The following GNPTG variants were observed in gnomAD, a reference collection of about 807,000 sequenced individuals.
GNPTG encodes N-acetylglucosamine-1-phosphate transferase subunit gamma.
A neutral mutation model predicts 43.8 loss-of-function variants in GNPTG; 46 were observed. The observed-to-expected ratio is 1.05, with a 90% CI of 0.83 to 1.34. The LOEUF (loss-of-function observed/expected upper bound fraction) is 1.34, where lower values mean the gene tolerates loss of function less well. Ranked by LOEUF, GNPTG falls within the 40% of genes most tolerant of loss-of-function variation. The probability of loss-of-function intolerance (pLI) is 0.00; values close to 1 mark genes in which losing one functional copy is unlikely to be tolerated. For missense variants in GNPTG, 549 were observed against 411.3 expected (o/e 1.33, Z -2.90); for synonymous variants, 250 against 172.8 (o/e 1.45, Z -3.50).
At position 1,352,169 on chromosome 16, in the gene GNPTG, C is replaced by T; in HGVS notation, c.110+10C>T. On this transcript the variant is annotated intron_variant, in intron 2 of 10. Coordinates refer to ENST00000204679, the MANE Select transcript of GNPTG (RefSeq NM_032520.5). ...AGCCCAACGCGTTTGGGTGAGCAGCCTCGCGGGCTGGCGGCTCGAGCGGGG... is the reference window on the plus strand; with the variant it reads ...AGCCCAACGCGTTTGGGTGAGCAGCTTCGCGGGCTGGCGGCTCGAGCGGGG... 2 of 1,572,282 alleles carry T rather than the reference C, an allele frequency of 1.3e-6. No individual in the cohort carries two copies. Among genetic ancestry groups the T allele is most frequent in the Non-Finnish European group, 8.6e-7 (1 of 1,160,460 alleles).
At chr16:1,354,222 C>A (rs1294094493) in intron 3 of GNPTG, among the ~76,000 whole-genome samples, 1 of 151,980 alleles carries the variant, frequency 6.6e-6, no homozygotes, top group Non-Finnish European at 1.5e-5. Flanking sequence ...CGACCGAACC[C>A]CTTCCAGTAG....
In GNPTG at chr16:1,362,487, T is replaced by C. The variant is rs1596615005; in HGVS notation, c.562T>C (p.Trp188Arg). The change falls in exon 8 of 11, where the codon TGG (tryptophan) becomes CGG (arginine). Residue 188 changes from tryptophan (W) to arginine (R), a missense_variant. By Grantham distance (101) the Trp-to-Arg change is moderately radical. Transcript: ENST00000204679. ...CCTGCCAGAGGCCCTGCAGCGGCAG[T>C]GGGACCAGGTAGAGCAGGACCTGGC... ...PTLPEALQRQ[W>R]DQVEQDLADE... 1.2e-6 allele frequency: 2 copies of C among 1,614,026 alleles called. No homozygotes were observed. Among genetic ancestry groups the C allele is most frequent in the South Asian group, 1.1e-5 (1 of 91,082 alleles).
rs140264422 is a variant in GNPTG, at chr16:1,361,747, C to T, written c.183C>T (p.Pro61=). 1.0e-4 allele frequency: 169 copies of T among 1,613,726 alleles called. No individual in the cohort carries two copies. The African/African-American group carries it at 1.9e-3, about 18-fold the overall frequency. ...TCAGTGTGAGGTCTCTTCCAGGACC[C>T]GTGCATCTCTTCCGACTCTCGGGCA... The part of the protein sequence containing the change: ...AKRDPSPVSG[P]VHLFRLSGKC... The change falls in exon 4 of 11, where the codon CCC becomes CCT. Residue 61 remains proline, a synonymous_variant. Coordinates refer to ENST00000204679, the MANE Select transcript of GNPTG (RefSeq NM_032520.5).
intron 3 of GNPTG, among the ~76,000 whole-genome samples, chr16:1,357,055 A>G (rs1280721099): frequency 2.6e-5 from 4 of 152,184 alleles, no homozygotes; most frequent in Non-Finnish European, 5.9e-5. Context: ...GCAGGGCCCT[A>G]GGGCCAGACT....
At chr16:1,356,262 G>A (rs1216212519) in intron 3 of GNPTG, among the ~76,000 whole-genome samples, 1 of 152,194 alleles carries the variant, frequency 6.6e-6, no homozygotes, top group Non-Finnish European at 1.5e-5. Context: ...CGGGAGCCAA[G>A]GGCACCGGCG....
intron 3 of GNPTG, 131 bp from the exon 4 acceptor site, chr16:1,361,612 C>G (rs2034879327): frequency 2.2e-6 from 2 of 920,882 alleles, no homozygotes; most frequent in Non-Finnish European, 3.4e-6. Context: ...CCACTGCACT[C>G]CAGCCTGGGT....
At chr16:1,354,096 T>C (rs2034730612) in intron 3 of GNPTG, among the ~76,000 whole-genome samples, 1 of 152,108 alleles carries the variant, frequency 6.6e-6, no homozygotes, top group African/African-American at 2.4e-5. Context: ...CTCACTTCCC[T>C]GCGGCTCAGA....
intron 3 of GNPTG, among the ~76,000 whole-genome samples, chr16:1,356,839 G>A (rs190852118): frequency 5.9e-5 from 9 of 151,788 alleles, no homozygotes; most frequent in African/African-American, 1.9e-4. Context: ...AGCTTGACCA[G>A]CCACCCTCCC....
At chr16:1,362,421 C>T (rs1567184538) in intron 7 of GNPTG, 31 bp from the exon 8 acceptor site, 1 of 1,612,294 alleles carries the variant, frequency 6.2e-7, no homozygotes, top group African/African-American at 1.3e-5. Flanking sequence ...ACATGGGGTG[C>T]AGCTGAGCCT....
At position 1,362,308 on chromosome 16, in the gene GNPTG, C is replaced by T. The variant is rs998330228; in HGVS notation, c.514C>T (p.His172Tyr). The T allele has an allele frequency of 3.1e-6, 5 of 1,612,904 alleles. No individual in the cohort carries two copies. Among genetic ancestry groups the T allele is most frequent in the African/African-American group, 1.3e-5 (1 of 74,950 alleles). Reference protein sequence around the residue: ...TFETPLVCHPHALLVYPTLPE... With the variant: ...TFETPLVCHPYALLVYPTLPE... ...CGAGACCCCCCTCGTCTGCCACCCC[C>T]ACGCCTTGCTAGGTAGGGGTGCGGG... Residue 172 changes from histidine to tyrosine, a missense_variant, in exon 7 of 11, where the codon CAC (histidine) becomes TAC (tyrosine). Transcript: ENST00000204679.
chr16:1,362,650 G>T lies in GNPTG; in HGVS notation c.649G>T (p.Gly217Cys). The change falls in exon 9 of 11, where the codon GGC (glycine) becomes TGC (cysteine). Residue 217 changes from glycine to cysteine, a missense_variant. Gly to Cys is a radical substitution (Grantham distance 159). Coordinates refer to ENST00000204679, the MANE Select transcript of GNPTG (RefSeq NM_032520.5). ...KLLRTLFEDAGYLKTPEENEP... is the reference protein window; with the variant it reads ...KLLRTLFEDACYLKTPEENEP... ...GCTGAGGACACTTTTTGAGGATGCT[G>T]GCTACTTAAAGACCCCAGAAGAAAA... is the stretch of plus-strand genomic sequence containing the variant. The T allele has an allele frequency of 1.9e-6, 3 of 1,614,138 alleles. No homozygotes were observed. The highest frequency in any genetic ancestry group is 2.5e-6 in the Non-Finnish European group (3 of 1,180,032).
intron 3 of GNPTG, among the ~76,000 whole-genome samples, chr16:1,353,164 G>A (rs188257587): frequency 1.1e-3 from 165 of 152,054 alleles, no homozygotes; most frequent in African/African-American, 3.7e-3. Context: ...GTAGAGATAG[G>A]GTTTATTTCA....
At chr16:1,361,653 G>A (rs1028784855) in intron 3 of GNPTG, 90 bp from the exon 4 acceptor site, 7 of 1,416,758 alleles carry the variant, frequency 4.9e-6, no homozygotes, top group South Asian at 2.4e-5. Flanking sequence ...CAAAAAAAAA[G>A]AAAACTGGTC....
chr16:1,352,362 T>C, intron 3 of GNPTG, 56 bp downstream of exon 3: 1 of 1,502,944 alleles, frequency 6.7e-7, no homozygotes, highest in Admixed American at 2.0e-5. Flanking sequence ...GCAGCAACAG[T>C]GGAGGATGGA....
rs1169324974 is a variant in GNPTG at position 1,363,402 on chromosome 16, C to T, written c.*311C>T. 2.6e-6 allele frequency: 1 copy of T among 389,862 alleles called. No individual in the cohort carries two copies. The highest frequency in any genetic ancestry group is 4.9e-6 in the Non-Finnish European group (1 of 205,256). The allele number at this position is 389,862 out of a possible 1,614,324, so 24.2% of individuals were successfully genotyped here. A position where few individuals can be genotyped will look rare whatever the true frequency, so the allele number is the denominator to read the frequency against. ...CAAATAACATTCTCATGTAAATACTCAAACATACAGATTGAGGCTTCCAGA... is the reference window on the plus strand; with the variant it reads ...CAAATAACATTCTCATGTAAATACTTAAACATACAGATTGAGGCTTCCAGA... On this transcript the variant is annotated 3_prime_UTR_variant, in exon 11 of 11. Coordinates refer to ENST00000204679, the MANE Select transcript of GNPTG (RefSeq NM_032520.5).
intron 3 of GNPTG, among the ~76,000 whole-genome samples, chr16:1,357,515 C>G (rs1013684234): frequency 6.9e-6 from 1 of 144,306 alleles, no homozygotes; most frequent in East Asian, 1.9e-4. Flanking sequence ...TTATTAGAGC[C>G]GAGTGTCGCT....
chr16:1,361,385 C>T (rs1274463624), intron 3 of GNPTG: 1 of 329,698 alleles, frequency 3.0e-6, no homozygotes, highest in Admixed American at 4.2e-5. Flanking sequence ...TGGCTCAAAC[C>T]TGTAATCCCA....
At chr16:1,356,187 G>A (rs745427710) in intron 3 of GNPTG, among the ~76,000 whole-genome samples, 6 of 152,180 alleles carry the variant, frequency 3.9e-5, no homozygotes, top group Non-Finnish European at 8.8e-5. Flanking sequence ...GCTCAGCCAA[G>A]CTGATGGGCC....
Position 1,362,319 on chromosome 16 carries a change from A to G in GNPTG, c.525A>G (p.Leu175=). The G allele has an allele frequency of 7.4e-6, 12 of 1,612,642 alleles. No individual in the cohort carries two copies. The highest frequency in any genetic ancestry group is 1.0e-5 in the Non-Finnish European group (12 of 1,179,586). ...TPLVCHPHAL[L]VYPTLPEALQ... ...TCGTCTGCCACCCCCACGCCTTGCT[A>G]GGTAGGGGTGCGGGACGCAGTTGAG... is the stretch of plus-strand genomic sequence containing the variant. Residue 175 remains leucine (L), a splice_region_variant and synonymous_variant, in exon 7 of 11, where the codon CTA becomes CTG. Transcript: ENST00000204679.
Sources: allele counts gnomAD v4.1 joint callset (sites outside exome capture counted in the v4.1 genomes callset), GRCh38; gene constraint gnomAD v4.1.1; transcripts MANE v1.5; gene names NCBI Gene and HGNC (gene_info 2026-07-23, HGNC 2026-07-21).